The following TCEA1 variants were observed in gnomAD, a reference collection of about 807,000 sequenced individuals.
The protein encoded by TCEA1 is transcription elongation factor A1.
TCEA1 carries 21 observed loss-of-function variants against 43.8 expected under a neutral mutation model. The ratio of observed to expected loss-of-function variants is 0.48; its 90% confidence interval spans 0.34 to 0.69. The LOEUF is 0.69. Among genes scored for constraint, TCEA1 ranks in the 30% least tolerant of loss-of-function variants. TCEA1 has a pLI of 0.01. For missense variants in TCEA1, 250 were observed against 365.1 expected (o/e 0.68, Z 2.57); for synonymous variants, 104 against 117.5 (o/e 0.88, Z 0.75).
intron 3 of TCEA1, among the ~76,000 whole-genome samples, chr8:53,996,856 G>A (rs1343600129): frequency 7.9e-6 from 1 of 127,066 alleles, no homozygotes; most frequent in African/African-American, 3.6e-5. Flanking sequence ...AGGAACCTGC[G>A]AGTCTACACT....
intron 4 of TCEA1, among the ~76,000 whole-genome samples, chr8:53,991,450 T>C (rs1412594631): frequency 6.6e-6 from 1 of 150,684 alleles, no homozygotes; most frequent in Non-Finnish European, 1.5e-5. Flanking sequence ...ATCCTAGCAC[T>C]TTGGGAGGCC....
intron 8 of TCEA1, chr8:53,974,000 C>T (rs1221512189): frequency 1.2e-5 from 2 of 162,118 alleles, no homozygotes; most frequent in African/African-American, 4.8e-5. Flanking sequence ...CATGGTGAAA[C>T]CCTGTCTCTA....
chr8:53,975,357 C>G (rs1367847904), intron 8 of TCEA1, among the ~76,000 whole-genome samples: 1 of 152,124 alleles, frequency 6.6e-6, no homozygotes, highest in Admixed American at 6.5e-5. Flanking sequence ...CCTAATTTTT[C>G]TATAAGCCAT....
intron 4 of TCEA1, among the ~76,000 whole-genome samples, chr8:53,992,786 A>G (rs1803921327): frequency 6.6e-6 from 1 of 152,180 alleles, no homozygotes; most frequent in South Asian, 2.1e-4. Flanking sequence ...CTTCCCAAGA[A>G]CAGAAGAACG....
intron 9 of TCEA1, among the ~76,000 whole-genome samples, chr8:53,968,610 G>A (rs548273134): frequency 3.5e-4 from 53 of 151,484 alleles, no homozygotes; most frequent in Middle Eastern, 3.4e-3. Flanking sequence ...TTGGGAGGCC[G>A]AGATGGGCAG....
rs1586001014 is a variant in TCEA1 at position 53,984,300 on chromosome 8, A to T, written c.678+63T>A. 6 of 1,455,840 alleles carry T rather than the reference A, an allele frequency of 4.1e-6. No homozygotes were observed. The East Asian group carries it at 1.4e-4, about 34-fold the overall frequency. The allele number at this position is 1,455,840 out of a possible 1,614,324, so 90.2% of individuals were successfully genotyped here. ...ATTTATATAGTAGTCTATGATGATA[A>T]TAGGCTTTACACTTCACAACACAGA... On this transcript the variant is annotated intron_variant, in intron 7 of 9. Transcript: ENST00000521604.
chr8:54,016,605 G>A (rs527831262), intron 1 of TCEA1, among the ~76,000 whole-genome samples: 1 of 152,102 alleles, frequency 6.6e-6, no homozygotes, highest in Non-Finnish European at 1.5e-5. Context: ...TTGGGAGGCT[G>A]AAGCGGGTAG....
chr8:53,988,203 T>C lies in TCEA1; in HGVS notation c.377A>G (p.Tyr126Cys), dbSNP rs1238499013. 1.2e-6 allele frequency: 2 copies of C among 1,613,548 alleles called. No homozygotes were observed. The highest frequency in any genetic ancestry group is 1.7e-6 in the Non-Finnish European group (2 of 1,179,706). The change falls in exon 5 of 10, where the codon TAT becomes TGT. Residue 126 changes from tyrosine (Y) to cysteine (C), a missense_variant. Tyr to Cys is a radical substitution (Grantham distance 194). Transcript: ENST00000521604. ...RKDETNARDT[Y>C]VSSFPRAPST... ...TGGTGCCCGAGGAAAGGATGAAACA[T>C]AAGTATCTCGAGCATTTGTCTCATC...
chr8:53,973,389 AAAAAG>A, intron 8 of TCEA1: 2 of 509,372 alleles, frequency 3.9e-6, no homozygotes, highest in Non-Finnish European at 7.3e-6. Flanking sequence ...AGACAAAAAG[AAAAAG>A]AAGACTCTTG....
At chr8:54,016,328 G>A (rs774089741) in intron 1 of TCEA1, among the ~76,000 whole-genome samples, 46 of 152,162 alleles carry the variant, frequency 3.0e-4, no homozygotes, top group Admixed American at 7.9e-4. Context: ...TACAATAGCC[G>A]GGCATGGTGC....
At chr8:53,971,934 A>C (rs1803169298) in intron 8 of TCEA1, 1 of 181,792 alleles carries the variant, frequency 5.5e-6, no homozygotes, top group Non-Finnish European at 1.1e-5. Flanking sequence ...TCCCAACATA[A>C]GTCCAAAGAA....
intron 5 of TCEA1, 40 bp downstream of exon 5, chr8:53,988,074 G>A: frequency 2.1e-5 from 33 of 1,595,430 alleles, no homozygotes; most frequent in Non-Finnish European, 2.8e-5. Flanking sequence ...GGTTGTGGGT[G>A]GTGACCAAAG....
At chr8:54,003,129 T>A (rs1214314225) in intron 2 of TCEA1, 2 of 453,194 alleles carry the variant, frequency 4.4e-6, no homozygotes, top group Non-Finnish European at 8.9e-6. Context: ...GTACAGCTAC[T>A]ATAAAACACA....
chr8:54,004,827 T>A (rs1174732377), intron 2 of TCEA1, among the ~76,000 whole-genome samples: 2 of 152,144 alleles, frequency 1.3e-5, no homozygotes, highest in East Asian at 3.8e-4. Flanking sequence ...ATCCTTTTAA[T>A]AAGTTCCAAG....
At chr8:53,994,485 T>C (rs906268632) in intron 3 of TCEA1, among the ~76,000 whole-genome samples, 5 of 152,162 alleles carry the variant, frequency 3.3e-5, no homozygotes, top group Admixed American at 3.3e-4. Flanking sequence ...AACACTTTCA[T>C]AGAAAATACC....
At chr8:54,005,924 T>C (rs1804422641) in intron 2 of TCEA1, among the ~76,000 whole-genome samples, 1 of 152,188 alleles carries the variant, frequency 6.6e-6, no homozygotes, top group Non-Finnish European at 1.5e-5. Flanking sequence ...CAACTAGCTC[T>C]TCCCATGTCT....
intron 3 of TCEA1, among the ~76,000 whole-genome samples, chr8:53,996,487 A>ACCT (rs1804055612): frequency 6.6e-6 from 1 of 152,242 alleles, no homozygotes; most frequent in Non-Finnish European, 1.5e-5. Context: ...GGCACATCTT[A>ACCT]AGTACTCAAC....
chr8:54,016,777 C>T (rs529406899), intron 1 of TCEA1, among the ~76,000 whole-genome samples: 5 of 151,956 alleles, frequency 3.3e-5, no homozygotes, highest in Non-Finnish European at 5.9e-5. Flanking sequence ...AGTTTGAGAC[C>T]GGCCTGGCCA....
intron 7 of TCEA1, among the ~76,000 whole-genome samples, chr8:53,981,983 TC>T (rs1436043117): frequency 6.7e-6 from 1 of 150,082 alleles, no homozygotes; most frequent in Non-Finnish European, 1.5e-5. Flanking sequence ...CGGGCTAGTC[TC>T]CACCTCCTGG....
Sources: gnomAD v4.1 joint callset for allele counts (sites outside exome capture counted in the v4.1 genomes callset) on GRCh38, gnomAD v4.1.1 for gene constraint, MANE v1.5 for transcripts, NCBI Gene and HGNC (gene_info 2026-07-23, HGNC 2026-07-21) for gene names.